Variants in ZEB2 observed in about 807,000 individuals in gnomAD.
The protein encoded by ZEB2 is zinc finger E-box binding homeobox 2, also known as zinc finger E-box-binding homeobox 2.
In ZEB2, 6 loss-of-function variants were observed where a neutral mutation model predicts 99.9. That is an observed-to-expected ratio of 0.06 (90% CI 0.03 to 0.12). The LOEUF is 0.12. Ranked by LOEUF, ZEB2 falls within the 10% of genes least tolerant of loss-of-function variation. ZEB2 has a pLI of 1.00. For synonymous variants in ZEB2, 517 were observed against 542.5 expected (o/e 0.95, Z 0.65); for missense variants, 969 against 1,502.8 (o/e 0.64, Z 5.87).
At chr2:144,460,513 C>G (rs1357996460) in intron 2 of ZEB2, among the ~76,000 whole-genome samples, 1 of 152,024 alleles carries the variant, frequency 6.6e-6, no homozygotes, top group Non-Finnish European at 1.5e-5. Context: ...TCTCTCAGCT[C>G]CACTGCAAGG....
At chr2:144,513,769 G>GCTCC (rs1705084662) in intron 2 of ZEB2, 5 of 1,535,938 alleles carry the variant, frequency 3.3e-6, no homozygotes, top group Non-Finnish European at 4.4e-6. Context: ...GGCATCTCCC[G>GCTCC]CTCCGAGTGC....
rs113804300 is a variant in ZEB2, at chr2:144,405,111, G to A, written c.404-87C>T. 137 of 1,395,198 alleles carry A rather than the reference G, an allele frequency of 9.8e-5. No homozygotes were observed. The African/African-American group carries it at 1.7e-3, about 17-fold the overall frequency. The allele number at this position is 1,395,198 out of a possible 1,614,324, so 86.4% of individuals were successfully genotyped here. ...ATCTCCATCATAGCCAGTGAGAAAT[G>A]CTGACTTGCAATAGACTACAAAACC... On this transcript the variant is annotated intron_variant, in intron 4 of 9. Coordinates refer to ENST00000627532, the MANE Select transcript of ZEB2 (RefSeq NM_014795.4).
At chr2:144,513,328 A>G in intron 2 of ZEB2, 1 of 1,300,646 alleles carries the variant, frequency 7.7e-7, no homozygotes, top group Non-Finnish European at 1.0e-6. Context: ...AGAACATTCA[A>G]CTTGATCCCT....
chr2:144,457,780 ACT>A, intron 2 of ZEB2, among the ~76,000 whole-genome samples: 1 of 152,168 alleles, frequency 6.6e-6, no homozygotes, highest in Middle Eastern at 3.4e-3. Flanking sequence ...CCCCATATTT[ACT>A]CTCATCTCCC....
Position 144,403,994 on chromosome 2 carries a change from G to A in ZEB2, c.729C>T (p.Cys243=), listed in dbSNP as rs1168603778. ...AGGCAAACGTGTAGCTACAGAGAGG[G>A]CAGGAAAAGTTCTCTTCATTCTTCT... ...RHEKNEENFS[C]PLCSYTFAYR... is the part of the protein sequence containing the mutation. The change falls in exon 6 of 10, where the codon TGC becomes TGT. Residue 243 remains cysteine (C), a synonymous_variant. Coordinates refer to ENST00000627532, the MANE Select transcript of ZEB2 (RefSeq NM_014795.4). The A allele has an allele frequency of 6.2e-7, 1 of 1,614,126 alleles. No homozygotes were observed. The highest frequency in any genetic ancestry group is 1.1e-5 in the South Asian group (1 of 91,070).
At chr2:144,391,835 T>C (rs539281993) in intron 9 of ZEB2, among the ~76,000 whole-genome samples, 14 of 152,324 alleles carry the variant, frequency 9.2e-5, no homozygotes, top group African/African-American at 2.9e-4. Flanking sequence ...ATTATCTGGG[T>C]TCACATCCAT....
chr2:144,413,186 AAC>A (rs1703488389), intron 4 of ZEB2, among the ~76,000 whole-genome samples: 1 of 152,206 alleles, frequency 6.6e-6, no homozygotes, highest in African/African-American at 2.4e-5. Context: ...AACTCAAAAC[AAC>A]ACAGCTTTCT....
intron 2 of ZEB2, among the ~76,000 whole-genome samples, chr2:144,439,663 A>C (rs1703880913): frequency 6.6e-6 from 1 of 152,250 alleles, no homozygotes; most frequent in Non-Finnish European, 1.5e-5. Context: ...CTAGCTCTGC[A>C]CAAGCTGCTA....
intron 2 of ZEB2, among the ~76,000 whole-genome samples, chr2:144,454,402 C>T (rs1415341736): frequency 6.6e-6 from 1 of 152,126 alleles, no homozygotes; most frequent in Non-Finnish European, 1.5e-5. Context: ...TATTAAGATT[C>T]CATCAAAAGC....
chr2:144,512,241 G>T, intron 2 of ZEB2: 1 of 1,287,238 alleles, frequency 7.8e-7, no homozygotes. Flanking sequence ...CCACGGTGCT[G>T]AGAGGAAAAG....
At chr2:144,438,443 G>C (rs930580778) in intron 2 of ZEB2, among the ~76,000 whole-genome samples, 1 of 151,908 alleles carries the variant, frequency 6.6e-6, no homozygotes, top group African/African-American at 2.4e-5. Context: ...TAGAGTCATA[G>C]GTCTTTAGAA....
chr2:144,431,668 C>T (rs1703771331), intron 2 of ZEB2, among the ~76,000 whole-genome samples: 1 of 151,188 alleles, frequency 6.6e-6, no homozygotes, highest in African/African-American at 2.4e-5. Context: ...CTCAGATCTA[C>T]AAAAAGAGAG....
intron 4 of ZEB2, among the ~76,000 whole-genome samples, chr2:144,419,072 A>C (rs546271427): frequency 1.8e-4 from 27 of 152,332 alleles, no homozygotes; most frequent in African/African-American, 6.5e-4. Context: ...AGGAATCATG[A>C]TTTCCACTTT....
chr2:144,468,337 T>G (rs1401705722), intron 2 of ZEB2, among the ~76,000 whole-genome samples: 1 of 152,184 alleles, frequency 6.6e-6, no homozygotes, highest in Non-Finnish European at 1.5e-5. Context: ...AAAGCAAACT[T>G]TAATAATTTG....
chr2:144,513,735 C>T (rs1055300331), intron 2 of ZEB2: 3 of 1,535,976 alleles, frequency 2.0e-6, no homozygotes, highest in East Asian at 2.4e-5. Context: ...ACAAACGGGC[C>T]GCACCGGTGG....
intron 4 of ZEB2, chr2:144,424,532 C>T: frequency 1.6e-6 from 1 of 636,540 alleles, no homozygotes; most frequent in Non-Finnish European, 2.9e-6. Context: ...TCACCCAACT[C>T]ATGCACTGAA....
intron 2 of ZEB2, among the ~76,000 whole-genome samples, chr2:144,465,987 G>T (rs980011569): frequency 6.6e-6 from 1 of 152,096 alleles, no homozygotes; most frequent in African/African-American, 2.4e-5. Flanking sequence ...ACTCTCCAGG[G>T]CAGAACTTTC....
At chr2:144,463,865 A>G (rs1284230883) in intron 2 of ZEB2, 1 of 150,774 alleles carries the variant, frequency 6.6e-6, no homozygotes, top group Non-Finnish European at 1.5e-5. Context: ...AAAAACAAAA[A>G]AAGAAAGACA....
chr2:144,490,316 CATA>C (rs1433004923), intron 2 of ZEB2, among the ~76,000 whole-genome samples: 6 of 152,192 alleles, frequency 3.9e-5, no homozygotes, highest in African/African-American at 1.2e-4. Context: ...ATGCCTGCCA[CATA>C]ATAATGATAC....
Sources: gnomAD v4.1 joint callset for allele counts (sites outside exome capture counted in the v4.1 genomes callset) on GRCh38, gnomAD v4.1.1 for gene constraint, MANE v1.5 for transcripts, NCBI Gene and HGNC (gene_info 2026-07-23, HGNC 2026-07-21) for gene names.